The following ZEB1 variants were observed in gnomAD, a reference collection of about 807,000 sequenced individuals.
ZEB1 encodes the protein zinc finger E-box-binding homeobox 1.
A neutral mutation model predicts 84.9 loss-of-function variants in ZEB1; 21 were observed. The observed-to-expected ratio is 0.25, with a 90% CI of 0.18 to 0.36. ZEB1 has a LOEUF of 0.36. ZEB1 is among the 10% of genes least tolerant of loss of function. The pLI, the probability that ZEB1 is intolerant of heterozygous loss-of-function variation, is 1.00. For missense variants in ZEB1, 1,104 were observed against 1,330.2 expected (o/e 0.83, Z 2.65); for synonymous variants, 420 against 471.1 (o/e 0.89, Z 1.41).
intron 5 of ZEB1, among the ~76,000 whole-genome samples, chr10:31,513,154 G>C (rs1255982779): frequency 6.6e-6 from 1 of 152,132 alleles, no homozygotes; most frequent in Non-Finnish European, 1.5e-5. Context: ...TCATTTAGAG[G>C]CTTTTGCTGT....
chr10:31,351,554 C>T (rs16932347), intron 1 of ZEB1, among the ~76,000 whole-genome samples: 7,943 of 152,022 alleles, frequency 0.052, 583 homozygotes, highest in East Asian at 0.18. Context: ...ATTGGAATTA[C>T]GCTAGATTAT....
At chr10:31,439,794 A>G (rs1420031395) in intron 1 of ZEB1, among the ~76,000 whole-genome samples, 1 of 152,198 alleles carries the variant, frequency 6.6e-6, no homozygotes, top group Non-Finnish European at 1.5e-5. Context: ...TATACCTGGA[A>G]TGCAGTGAGC....
At chr10:31,454,491 AG>A (rs2060965401) in intron 1 of ZEB1, among the ~76,000 whole-genome samples, 1 of 152,220 alleles carries the variant, frequency 6.6e-6, no homozygotes, top group African/African-American at 2.4e-5. Context: ...CTCTGTTTGC[AG>A]ATGACATGAT....
At chr10:31,473,955 G>A (rs1296808671) in intron 2 of ZEB1, among the ~76,000 whole-genome samples, 8 of 152,014 alleles carry the variant, frequency 5.3e-5, no homozygotes, top group Admixed American at 2.6e-4. Context: ...AACAAGCAAT[G>A]GGGAAAGGAT....
rs1424991978 is a variant in ZEB1 at position 31,382,808 on chromosome 10, T to A, written c.58+63516T>A. Among the ~76,000 whole-genome samples the A allele has an allele frequency of 2.0e-5, 3 of 152,080 alleles. No homozygotes were observed. In the East Asian group the frequency reaches 5.8e-4, roughly 29 times the overall value. ...ATAATAGGTATAAGTTATATATTGT[T>A]GTAAATATGCAAGTTTAGATATCAA... is the stretch of plus-strand genomic sequence containing the variant. On this transcript the variant is annotated intron_variant, in intron 1 of 8. Coordinates refer to ENST00000424869, the MANE Select transcript of ZEB1 (RefSeq NM_001174096.2).
chr10:31,428,848 G>A (rs909558366), intron 1 of ZEB1, among the ~76,000 whole-genome samples: 1 of 152,164 alleles, frequency 6.6e-6, no homozygotes. Context: ...TTGGTTTAAA[G>A]TCTGTTTTGT....
At position 31,528,702 on chromosome 10, in the gene ZEB1, TAATAC is replaced by T. The variant is rs1295037203; in HGVS notation, c.*1443_*1447del. 1 of 152,200 alleles carries T rather than the reference TAATAC, an allele frequency of 6.6e-6. No individual in the cohort carries two copies. Among genetic ancestry groups the T allele is most frequent in the Admixed American group, 6.5e-5 (1 of 15,284 alleles). 9.4% of individuals were successfully genotyped at this position (152,200 alleles called of 1,614,324 possible). A position where few individuals can be genotyped will look rare whatever the true frequency, so the allele number is the denominator to read the frequency against. ...TAGTGTATAATACTGTAGTTTGTATTAATACAATAATATATTTTAGTATGAAAATT... is the reference window on the plus strand; with the variant it reads ...TAGTGTATAATACTGTAGTTTGTATTAATAATATATTTTAGTATGAAAATT... On this transcript the variant is annotated 3_prime_UTR_variant, in exon 9 of 9. Coordinates refer to ENST00000424869, the MANE Select transcript of ZEB1 (RefSeq NM_001174096.2).
intron 2 of ZEB1, among the ~76,000 whole-genome samples, chr10:31,462,536 A>C (rs1393436773): frequency 1.3e-5 from 2 of 152,208 alleles, no homozygotes. Flanking sequence ...AGTGGTCTTT[A>C]GTTCTTAAGG....
At chr10:31,399,495 C>A (rs1381861903) in intron 1 of ZEB1, among the ~76,000 whole-genome samples, 1 of 152,076 alleles carries the variant, frequency 6.6e-6, no homozygotes, top group Non-Finnish European at 1.5e-5. Flanking sequence ...TATTATCTTG[C>A]TTCTGTCCCA....
Position 31,375,488 on chromosome 10 carries a change from C to G in ZEB1, c.58+56196C>G, listed in dbSNP as rs150525875. On this transcript the variant is annotated intron_variant, in intron 1 of 8. Coordinates refer to ENST00000424869, the MANE Select transcript of ZEB1 (RefSeq NM_001174096.2). ...TTTAGCCACAAAAAGATATTTAAGA[C>G]ACATAATTATGTAAATATTGCAGAT... Among the ~76,000 whole-genome samples the G allele has an allele frequency of 2.4e-4, 37 of 151,894 alleles. 1 individual carries two copies. The highest frequency in any genetic ancestry group is 2.1e-3 in the Admixed American group (32 of 15,218).
intron 1 of ZEB1, among the ~76,000 whole-genome samples, chr10:31,413,591 T>C (rs1441999804): frequency 6.6e-6 from 1 of 151,246 alleles, no homozygotes; most frequent in Non-Finnish European, 1.5e-5. Flanking sequence ...CAAACAGATA[T>C]GAAAGATAAG....
chr10:31,328,992 C>T (rs542663286), intron 1 of ZEB1, among the ~76,000 whole-genome samples: 71 of 151,134 alleles, frequency 4.7e-4, no homozygotes, highest in African/African-American at 1.4e-3. Context: ...AAACCATACC[C>T]TGGTGTGTGT....
At chr10:31,413,683 A>T (rs1306161719) in intron 1 of ZEB1, among the ~76,000 whole-genome samples, 1 of 152,150 alleles carries the variant, frequency 6.6e-6, no homozygotes, top group African/African-American at 2.4e-5. Flanking sequence ...CAGGGCAAAA[A>T]GTTTGAAAGA....
chr10:31,324,136 C>T (rs971107682), intron 1 of ZEB1, among the ~76,000 whole-genome samples: 1 of 151,924 alleles, frequency 6.6e-6, no homozygotes, highest in Non-Finnish European at 1.5e-5. Flanking sequence ...TACATTGTAG[C>T]ATGGAGCAAA....
chr10:31,454,833 C>T (rs2061006886), intron 1 of ZEB1, among the ~76,000 whole-genome samples: 1 of 152,156 alleles, frequency 6.6e-6, no homozygotes, highest in African/African-American at 2.4e-5. Flanking sequence ...AATGGCCATA[C>T]TGCCGAAAGT....
At chr10:31,484,612 C>G (rs535185222) in intron 2 of ZEB1, among the ~76,000 whole-genome samples, 1 of 152,058 alleles carries the variant, frequency 6.6e-6, no homozygotes, top group East Asian at 1.9e-4. Context: ...TCAGATGATT[C>G]AGGACTTCGG....
chr10:31,364,479 C>T (rs560949747), intron 1 of ZEB1, among the ~76,000 whole-genome samples: 16 of 152,292 alleles, frequency 1.1e-4, no homozygotes, highest in Admixed American at 7.8e-4. Context: ...GGAAGCAGAG[C>T]GCAGGACCAG....
At chr10:31,380,889 A>T (rs982861502) in intron 1 of ZEB1, among the ~76,000 whole-genome samples, 3 of 152,148 alleles carry the variant, frequency 2.0e-5, no homozygotes, top group East Asian at 3.8e-4. Context: ...GGATAATTTT[A>T]TGTAGTCAAC....
intron 1 of ZEB1, among the ~76,000 whole-genome samples, chr10:31,408,245 G>T (rs2053529741): frequency 1.3e-5 from 2 of 150,284 alleles, no homozygotes; most frequent in African/African-American, 4.9e-5. Context: ...AAATAAAAGA[G>T]GATACAAACA....
Sources: allele counts gnomAD v4.1 joint callset (sites outside exome capture counted in the v4.1 genomes callset), GRCh38; gene constraint gnomAD v4.1.1; transcripts MANE v1.5; gene names NCBI Gene and HGNC (gene_info 2026-07-23, HGNC 2026-07-21).